The following HAS1 variants were observed in gnomAD, a reference collection of about 807,000 sequenced individuals.
HAS1 encodes hyaluronan synthase 1, also known as HA synthase 1.
In HAS1, 27 loss-of-function variants were observed where a neutral mutation model predicts 35.0. The observed-to-expected ratio is 0.77, with a 90% CI of 0.57 to 1.06. The LOEUF (loss-of-function observed/expected upper bound fraction) is 1.06, where lower values mean the gene tolerates loss of function less well. Among genes scored for constraint, HAS1 ranks in the 50% least tolerant of loss-of-function variants. The pLI, the probability that HAS1 is intolerant of heterozygous loss-of-function variation, is 0.00. For synonymous variants in HAS1, 409 were observed against 371.2 expected (o/e 1.10, Z -1.17); for missense variants, 940 against 814.8 (o/e 1.15, Z -1.87).
intron 4 of HAS1, among the ~76,000 whole-genome samples, chr19:51,714,314 C>T (rs557460360): frequency 1.5e-4 from 22 of 151,506 alleles, no homozygotes; most frequent in Non-Finnish European, 3.1e-4. Context: ...CTTTGGGAGG[C>T]TGAGGGATAA....
Position 51,716,339 on chromosome 19 carries a change from G to A in HAS1, c.975C>T (p.Asn325=), listed in dbSNP as rs2083586497. Residue 325 remains asparagine (N), a synonymous_variant, in exon 4 of 5, where the codon AAC becomes AAT. Coordinates refer to ENST00000540069, the MANE Select transcript of HAS1 (RefSeq NM_001297436.2). The part of the protein sequence containing the change: ...LLQQFLEAWY[N]QKFLGTHCTF... ...TACAGTGGGTACCCAGGAACTTCTGGTTGTACCAGGCCTCAAGAAACTGCT... is the reference window on the plus strand; with the variant it reads ...TACAGTGGGTACCCAGGAACTTCTGATTGTACCAGGCCTCAAGAAACTGCT... The A allele has an allele frequency of 6.2e-7, 1 of 1,613,664 alleles. No homozygotes were observed. The highest frequency in any genetic ancestry group is 8.5e-7 in the Non-Finnish European group (1 of 1,179,644).
rs1358567731 is a variant in HAS1, at chr19:51,723,875, A to C, written c.9+50T>G. On this transcript the variant is annotated intron_variant, in intron 1 of 4. Transcript: ENST00000540069. ...CACATATGGCAGTAGTTTTCCCCAC[A>C]TGGCTGTATACACACACACACACAC... 3.5e-6 allele frequency: 5 copies of C among 1,417,620 alleles called. No individual in the cohort carries two copies. In the East Asian group the frequency reaches 1.0e-4, roughly 29 times the overall value. The allele number at this position is 1,417,620 out of a possible 1,614,324, so 87.8% of individuals were successfully genotyped here.
At position 51,713,196 on chromosome 19, in the gene HAS1, T is replaced by TC. The variant is rs3842676; in HGVS notation, c.*230dup. 178,278 of 423,726 alleles carry TC rather than the reference T, an allele frequency of 0.42. 38,915 individuals are homozygous for TC. Among genetic ancestry groups the TC allele is most frequent in the Middle Eastern group, 0.49 (824 of 1,682 alleles). 26.2% of individuals were successfully genotyped at this position (423,726 alleles called of 1,614,324 possible). A position where few individuals can be genotyped will look rare whatever the true frequency, so the allele number is the denominator to read the frequency against. Reference sequence around the variant, plus strand: ...AGAACGAGGAGAAAGCAGGACCCTTTCCCTCCACTCCTCAGATCCCACACC... The same window carrying TC: ...AGAACGAGGAGAAAGCAGGACCCTTTCCCCTCCACTCCTCAGATCCCACACC... On this transcript the variant is annotated 3_prime_UTR_variant, in exon 5 of 5. Coordinates refer to ENST00000540069, the MANE Select transcript of HAS1 (RefSeq NM_001297436.2). The surrounding 1 kb of genome is among the most constrained non-coding windows in gnomAD (Gnocchi z 4.5).
rs144335002 is a variant in HAS1, at chr19:51,713,979, G to A, written c.1182C>T (p.His394=). ...REWLYNALWW[H]RHHAWMTYEA... The stretch of plus-strand genomic sequence containing the variant: ...CGTAGGTCATCCACGCATGGTGCCG[G>A]TGCCACCAGAGCGCGTTGTACAGCC... Residue 394 remains histidine (H), a synonymous_variant, in exon 5 of 5, where the codon CAC becomes CAT. Coordinates refer to ENST00000540069, the MANE Select transcript of HAS1 (RefSeq NM_001297436.2). This position sits in a 1 kb window ranked among gnomAD's most constrained non-coding sequence, Gnocchi z 4.5. 586 of 1,613,434 alleles carry A rather than the reference G, an allele frequency of 3.6e-4. 1 individual carries two copies. In the African/African-American group the frequency reaches 3.9e-3, roughly 11 times the overall value.
rs1350001781 is a variant in HAS1 at position 51,719,331 on chromosome 19, G to T, written c.574C>A (p.Arg192=). 3 of 1,611,776 alleles carry T rather than the reference G, an allele frequency of 1.9e-6. No homozygotes were observed. The Admixed American group carries it at 5.0e-5, about 27-fold the overall frequency. Residue 192 remains arginine (R), a synonymous_variant, in exon 2 of 5, where the codon CGG becomes AGG. Coordinates refer to ENST00000540069, the MANE Select transcript of HAS1 (RefSeq NM_001297436.2). ...YREVEAEDPG[R]LAVEALVRTR... is the part of the protein sequence containing the mutation. ...CTCACCAGCGCCTCCACTGCCAGCC[G>T]CCCAGGATCCTCCGCCTCCACCTCC...
In HAS1 at chr19:51,719,431, C is replaced by A; in HGVS notation, c.474G>T (p.Thr158=). 5.8e-6 allele frequency: 9 copies of A among 1,556,248 alleles called. No homozygotes were observed. The highest frequency in any genetic ancestry group is 7.8e-6 in the Non-Finnish European group (9 of 1,149,456). The change falls in exon 2 of 5, where the codon ACG becomes ACT. Residue 158 remains threonine, a synonymous_variant. Transcript: ENST00000540069. The stretch of plus-strand genomic sequence containing the variant: ...GGTGGTAGTTGCCGTCCCACACGTA[C>A]GTGGCGGGGTCCTCGTCAGCGAAGA... ...REVFADEDPA[T]YVWDGNYHQP...
At chr19:51,720,677 T>C (rs1210756957) in intron 1 of HAS1, among the ~76,000 whole-genome samples, 3 of 151,550 alleles carry the variant, frequency 2.0e-5, no homozygotes, top group African/African-American at 4.9e-5. Flanking sequence ...AAAAAACAAT[T>C]AGAGGAGGGG....
rs754931017 is a variant in HAS1 at position 51,716,246 on chromosome 19, C to T, written c.1058+10G>A. 116 of 1,611,358 alleles carry T rather than the reference C, an allele frequency of 7.2e-5. No homozygotes were observed. The highest frequency in any genetic ancestry group is 2.3e-4 in the Admixed American group (14 of 59,638). On this transcript the variant is annotated intron_variant, in intron 4 of 4. Transcript: ENST00000540069. ...CACACATACCCGACCACCTGGTCCC[C>T]TCAGCTTACTTGGTAGCATAACCCA...
chr19:51,713,584 G>T lies in HAS1; in HGVS notation c.1577C>A (p.Ala526Asp), dbSNP rs375036393. ...TGCGCGGGAAGGGCCGCTCCAGTCG[G>T]CCCTGGCCTCGTGTGCTACGCTGCG... ...LVRSVAHEAR[A>D]DWSGPSRAAE... The change falls in exon 5 of 5, where the codon GCC becomes GAC. Residue 526 changes from alanine to aspartate, a missense_variant. Physicochemically the swap from Ala to Asp is moderately radical, Grantham distance 126. Coordinates refer to ENST00000540069, the MANE Select transcript of HAS1 (RefSeq NM_001297436.2). This position sits in a 1 kb window ranked among gnomAD's most constrained non-coding sequence, Gnocchi z 4.5. The T allele has an allele frequency of 1.3e-6, 2 of 1,561,662 alleles. No individual in the cohort carries two copies. The highest frequency in any genetic ancestry group is 2.7e-5 in the African/African-American group (2 of 73,552).
chr19:51,713,455 C>T lies in HAS1; in HGVS notation c.1706G>A (p.Arg569Gln), dbSNP rs1187740163. 5 of 1,547,612 alleles carry T rather than the reference C, an allele frequency of 3.2e-6. No homozygotes were observed. Among genetic ancestry groups the T allele is most frequent in the Non-Finnish European group, 3.5e-6 (4 of 1,145,844 alleles). Reference sequence around the variant, plus strand: ...CACCTGGACGCGGTAGCCCCCGGTCCGCCGCCGGCAAAGCCTCCGCACGCC... The same window carrying T: ...CACCTGGACGCGGTAGCCCCCGGTCTGCCGCCGGCAAAGCCTCCGCACGCC... ...WVGVRRLCRR[R>Q]TGGYRVQV Residue 569 changes from arginine (R) to glutamine (Q), a missense_variant, in exon 5 of 5, where the codon CGG becomes CAG. Arg to Gln is a conservative substitution (Grantham distance 43). Coordinates refer to ENST00000540069, the MANE Select transcript of HAS1 (RefSeq NM_001297436.2). This position sits in a 1 kb window ranked among gnomAD's most constrained non-coding sequence, Gnocchi z 4.5.
At chr19:51,716,231 C>G (rs764518969) in intron 4 of HAS1, 25 bp downstream of exon 4, 1 of 1,603,370 alleles carries the variant, frequency 6.2e-7, no homozygotes, top group South Asian at 1.1e-5. Flanking sequence ...CACACATACC[C>G]GACCACCTGG....
In HAS1 at chr19:51,716,407, TGAAA is replaced by T. The variant is rs1180038297; in HGVS notation, c.926-23_926-20del. 1.3e-6 allele frequency: 2 copies of T among 1,599,174 alleles called. No individual in the cohort carries two copies. The highest frequency in any genetic ancestry group is 2.7e-5 in the African/African-American group (2 of 74,566). On this transcript the variant is annotated intron_variant, in intron 3 of 4. Coordinates refer to ENST00000540069, the MANE Select transcript of HAS1 (RefSeq NM_001297436.2). ...TATAGGCCTGGGTGGAGGGGAGGTG[TGAAA>T]GAGTGTCAGCCTCTGCTGTCACCAA... is the stretch of plus-strand genomic sequence containing the variant.
chr19:51,723,886 C>T (rs1473569919), intron 1 of HAS1, 39 bp downstream of exon 1: 6 of 817,702 alleles, frequency 7.3e-6, no homozygotes, highest in Admixed American at 3.1e-5. Context: ...TGGCTGTATA[C>T]ACACACACAC....
intron 2 of HAS1, 46 bp from the exon 3 acceptor site, chr19:51,717,239 G>A: frequency 7.6e-7 from 1 of 1,312,346 alleles, no homozygotes; most frequent in Non-Finnish European, 1.1e-6. Flanking sequence ...CCTGCATCAG[G>A]CTGATGCTTG....
At position 51,713,940 on chromosome 19, in the gene HAS1, G is replaced by A. The variant is rs777105240; in HGVS notation, c.1221C>T (p.Ser407=). 6.0e-5 allele frequency: 97 copies of A among 1,610,176 alleles called. No individual in the cohort carries two copies. In the East Asian group the frequency reaches 8.0e-4, roughly 13 times the overall value. ...CCGCCACGAAGAAGGGGAACAGGCC[G>A]GAGACCACCGCCTCGTAGGTCATCC... is the stretch of plus-strand genomic sequence containing the variant. ...HAWMTYEAVV[S]GLFPFFVAAT... Residue 407 remains serine, a synonymous_variant, in exon 5 of 5, where the codon TCC becomes TCT. Coordinates refer to ENST00000540069, the MANE Select transcript of HAS1 (RefSeq NM_001297436.2). The surrounding 1 kb of genome is among the most constrained non-coding windows in gnomAD (Gnocchi z 4.5).
rs763732815 is a variant in HAS1 at position 51,719,732 on chromosome 19, T to G, written c.173A>C (p.Tyr58Ser). The G allele has an allele frequency of 1.3e-6, 2 of 1,569,388 alleles. No individual in the cohort carries two copies. The highest frequency in any genetic ancestry group is 1.2e-5 in the South Asian group (1 of 86,054). Residue 58 changes from tyrosine (Y) to serine (S), a missense_variant, in exon 2 of 5, where the codon TAC becomes TCC. Physicochemically the swap from Tyr to Ser is moderately radical, Grantham distance 144. Coordinates refer to ENST00000540069, the MANE Select transcript of HAS1 (RefSeq NM_001297436.2). ...DRYGLLAFGLYGAFLSAHLVA... is the reference protein window; with the variant it reads ...DRYGLLAFGLSGAFLSAHLVA... ...CAGGTGCGCTGAAAGGAAGGCCCCG[T>G]AGAGGCCGAAGGCCAGGAGGCCGTA...
chr19:51,714,698 G>GAAAAAAAAA (rs55677402), intron 4 of HAS1, among the ~76,000 whole-genome samples: 1,796 of 126,184 alleles, frequency 0.014, 77 homozygotes, highest in African/African-American at 0.046. Flanking sequence ...CTCTATCTAA[G>GAAAAAAAAA]AAAAAAAAAA....
rs1188628564 is a variant in HAS1, at chr19:51,716,326, C to T, written c.988G>A (p.Gly330Ser). The T allele has an allele frequency of 6.2e-7, 1 of 1,613,670 alleles. No homozygotes were observed. The change falls in exon 4 of 5, where the codon GGT becomes AGT. Residue 330 changes from glycine (G) to serine (S), a missense_variant. Transcript: ENST00000540069. ...LEAWYNQKFL[G>S]THCTFGDDRH... ...TCATCCCCAAAAGTACAGTGGGTACCCAGGAACTTCTGGTTGTACCAGGCC... is the reference window on the plus strand; with the variant it reads ...TCATCCCCAAAAGTACAGTGGGTACTCAGGAACTTCTGGTTGTACCAGGCC...
chr19:51,719,713 C>T lies in HAS1; in HGVS notation c.192G>A (p.Ala64=). ...CGAAGAGGCTCTGCGCCACCAGGTG[C>T]GCTGAAAGGAAGGCCCCGTAGAGGC... ...AFGLYGAFLS[A]HLVAQSLFAY... The change falls in exon 2 of 5, where the codon GCG becomes GCA. Residue 64 remains alanine (A), a synonymous_variant. Coordinates refer to ENST00000540069, the MANE Select transcript of HAS1 (RefSeq NM_001297436.2). 6.4e-7 allele frequency: 1 copy of T among 1,567,572 alleles called. No homozygotes were observed. Among genetic ancestry groups the T allele is most frequent in the Non-Finnish European group, 8.6e-7 (1 of 1,162,172 alleles).
Sources: allele counts gnomAD v4.1 joint callset (sites outside exome capture counted in the v4.1 genomes callset), GRCh38; gene constraint gnomAD v4.1.1; non-coding constraint Gnocchi (gnomAD v3.1); transcripts MANE v1.5; gene names NCBI Gene and HGNC (gene_info 2026-07-23, HGNC 2026-07-21).